Variants in HIPK2 observed in about 807,000 individuals in gnomAD.
The protein encoded by HIPK2 is homeodomain-interacting protein kinase 2.
HIPK2 carries 27 observed loss-of-function variants against 113.7 expected under a neutral mutation model. The observed-to-expected ratio is 0.24, with a 90% CI of 0.17 to 0.33. The LOEUF (loss-of-function observed/expected upper bound fraction) is 0.33, where lower values mean the gene tolerates loss of function less well. Among genes scored for constraint, HIPK2 ranks in the 10% least tolerant of loss-of-function variants. The pLI is 1.00. For synonymous variants in HIPK2, 631 were observed against 642.2 expected (o/e 0.98, Z 0.26); for missense variants, 1,257 against 1,588.0 (o/e 0.79, Z 3.54).
At chr7:139,671,621 G>A (rs1309364819) in intron 2 of HIPK2, among the ~76,000 whole-genome samples, 5 of 151,968 alleles carry the variant, frequency 3.3e-5, no homozygotes, top group Admixed American at 6.6e-5. Context: ...GCATGATCTC[G>A]GCTCACTGCA....
intron 9 of HIPK2, among the ~76,000 whole-genome samples, chr7:139,607,189 G>A (rs923220753): frequency 2.0e-5 from 3 of 152,028 alleles, no homozygotes; most frequent in African/African-American, 7.2e-5. Flanking sequence ...AGTGCAGACA[G>A]AGGATATATA....
At chr7:139,581,847 G>A (rs1798679823) in intron 13 of HIPK2, among the ~76,000 whole-genome samples, 1 of 152,194 alleles carries the variant, frequency 6.6e-6, no homozygotes, top group Admixed American at 6.5e-5. Flanking sequence ...TCCCGCATAT[G>A]GTATGAGTTC....
intron 2 of HIPK2, among the ~76,000 whole-genome samples, chr7:139,686,015 C>A (rs187482250): frequency 6.6e-6 from 1 of 152,316 alleles, no homozygotes; most frequent in East Asian, 1.9e-4. Flanking sequence ...TCTGATGGAT[C>A]TGGCCAAAGT....
rs534641712 is a variant in HIPK2 at position 139,750,723 on chromosome 7, G to C, written c.19+26882C>G. On this transcript the variant is annotated intron_variant, in intron 1 of 14. Transcript: ENST00000406875. ...AATGAGGACTGCTGTGAGAAGAGCT[G>C]TAAGAACCCAGTTTTTCATCTGTTG... Among the ~76,000 whole-genome samples, 4 of 152,322 alleles carry C rather than the reference G, an allele frequency of 2.6e-5. No homozygotes were observed. In the East Asian group the frequency reaches 7.7e-4, roughly 29 times the overall value.
chr7:139,679,229 T>C (rs1802613334), intron 2 of HIPK2, among the ~76,000 whole-genome samples: 1 of 152,198 alleles, frequency 6.6e-6, no homozygotes, highest in Non-Finnish European at 1.5e-5. Flanking sequence ...AGGGCATCCT[T>C]GTCTTGTGCC....
In HIPK2 at chr7:139,645,023, C is replaced by T. The variant is rs143527115; in HGVS notation, c.1104-13298G>A. ...TTCTCATTGCTTCAACATTTAGCTT[C>T]GACTGGTTCATGGTGAGGCCTCAAT... is the stretch of plus-strand genomic sequence containing the variant. On this transcript the variant is annotated intron_variant, in intron 2 of 14. Coordinates refer to ENST00000406875, the MANE Select transcript of HIPK2 (RefSeq NM_022740.5). Among the ~76,000 whole-genome samples the T allele has an allele frequency of 9.7e-3, 1,478 of 152,332 alleles. 9 individuals are homozygous for T. The highest frequency in any genetic ancestry group is 0.023 in the South Asian group (113 of 4,824).
chr7:139,574,975 C>T (rs1377807807), intron 14 of HIPK2, 153 bp downstream of exon 14: 9 of 580,484 alleles, frequency 1.6e-5, no homozygotes, highest in Non-Finnish European at 2.0e-5. Flanking sequence ...TAGAAAAAGC[C>T]ACCAGAGGTC....
Position 139,584,083 on chromosome 7 carries a change from A to C in HIPK2, c.2718-19T>G. ...GACAGTGCTGAAAATGCAAAGGGAG[A>C]AGTCAGAGGTGGGAGAAGGCCGTGA... On this transcript the variant is annotated intron_variant, in intron 12 of 14. Coordinates refer to ENST00000406875, the MANE Select transcript of HIPK2 (RefSeq NM_022740.5). 1 of 1,560,832 alleles carries C rather than the reference A, an allele frequency of 6.4e-7. No homozygotes were observed. Among genetic ancestry groups the C allele is most frequent in the Non-Finnish European group, 8.7e-7 (1 of 1,151,164 alleles).
chr7:139,701,113 G>C (rs1202906915), intron 2 of HIPK2, among the ~76,000 whole-genome samples: 1 of 152,214 alleles, frequency 6.6e-6, no homozygotes, highest in Admixed American at 6.5e-5. Flanking sequence ...TGCGTTTCTT[G>C]CAAGGGCAGC....
At chr7:139,748,162 C>T (rs570153263) in intron 1 of HIPK2, among the ~76,000 whole-genome samples, 4 of 152,244 alleles carry the variant, frequency 2.6e-5, no homozygotes, top group Admixed American at 6.5e-5. Context: ...ACAGAACACC[C>T]GTGTTCTTCG....
intron 2 of HIPK2, among the ~76,000 whole-genome samples, chr7:139,646,728 G>A (rs1042751637): frequency 2.0e-5 from 3 of 152,174 alleles, no homozygotes; most frequent in South Asian, 4.1e-4. Flanking sequence ...AGCCAACTGA[G>A]CTAACCAGCT....
Position 139,570,255 on chromosome 7 carries a change from A to AT in HIPK2, c.*2671dup, listed in dbSNP as rs1798222226. The AT allele has an allele frequency of 6.9e-6, 1 of 144,332 alleles. No homozygotes were observed. Among genetic ancestry groups the AT allele is most frequent in the African/African-American group, 2.6e-5 (1 of 38,354 alleles). 8.9% of individuals were successfully genotyped at this position (144,332 alleles called of 1,614,324 possible). A position where few individuals can be genotyped will look rare whatever the true frequency, so the allele number is the denominator to read the frequency against. ...CTGCCAAAAAGTCCCTAATAGATGG[A>AT]TTTTCCAGGCTGACCCAGCTGTGGG... On this transcript the variant is annotated 3_prime_UTR_variant, in exon 15 of 15. Transcript: ENST00000406875.
At position 139,715,815 on chromosome 7, in the gene HIPK2, T is replaced by C. The variant is rs763402261; in HGVS notation, c.1103+117A>G. ...AATTTCGTAAGTACATTAAGATCAC[T>C]TGAAGGCAGGAACTGTAGACATATA... On this transcript the variant is annotated intron_variant, in intron 2 of 14. Transcript: ENST00000406875. The C allele has an allele frequency of 5.0e-6, 7 of 1,390,350 alleles. No homozygotes were observed. The East Asian group carries it at 7.0e-5, about 14-fold the overall frequency. The allele number at this position is 1,390,350 out of a possible 1,614,324, so 86.1% of individuals were successfully genotyped here.
chr7:139,689,490 A>T (rs1179881419), intron 2 of HIPK2, among the ~76,000 whole-genome samples: 2 of 152,272 alleles, frequency 1.3e-5, no homozygotes, highest in Non-Finnish European at 2.9e-5. Flanking sequence ...CTTTCACACA[A>T]CATCATTTAT....
intron 2 of HIPK2, among the ~76,000 whole-genome samples, chr7:139,662,826 C>T (rs1028134300): frequency 6.6e-6 from 1 of 152,064 alleles, no homozygotes; most frequent in African/African-American, 2.4e-5. Flanking sequence ...CACATGCTGG[C>T]CAGGCTGGTC....
intron 2 of HIPK2, among the ~76,000 whole-genome samples, chr7:139,638,149 C>T (rs1243687705): frequency 3.3e-5 from 5 of 152,172 alleles, no homozygotes; most frequent in Admixed American, 6.5e-5. Flanking sequence ...CTTTATCCTG[C>T]GCAGTCCCAC....
chr7:139,703,966 A>C (rs1794797103), intron 2 of HIPK2, among the ~76,000 whole-genome samples: 2 of 98,278 alleles, frequency 2.0e-5, no homozygotes, highest in Non-Finnish European at 4.0e-5. Context: ...CCCCCAACAC[A>C]CACCACACAC....
chr7:139,674,596 G>C (rs1009711781), intron 2 of HIPK2, among the ~76,000 whole-genome samples: 2 of 152,148 alleles, frequency 1.3e-5, no homozygotes, highest in Admixed American at 1.3e-4. Context: ...CATGGTGCTA[G>C]CCCAAAGCAG....
In HIPK2 at chr7:139,561,647, G is replaced by A. The variant is rs1797950396; in HGVS notation, c.*11280C>T. ...TTCTACACATATACAATATGCATAT[G>A]TGAGTTTACAAATTTTAATTAATAA... is the stretch of plus-strand genomic sequence containing the variant. On this transcript the variant is annotated 3_prime_UTR_variant, in exon 15 of 15. Transcript: ENST00000406875. 1 of 152,116 alleles carries A rather than the reference G, an allele frequency of 6.6e-6. No individual in the cohort carries two copies. Among genetic ancestry groups the A allele is most frequent in the African/African-American group, 2.4e-5 (1 of 41,406 alleles). 9.4% of individuals were successfully genotyped at this position (152,116 alleles called of 1,614,324 possible).
Sources: allele counts gnomAD v4.1 joint callset (sites outside exome capture counted in the v4.1 genomes callset), GRCh38; gene constraint gnomAD v4.1.1; transcripts MANE v1.5; gene names NCBI Gene and HGNC (gene_info 2026-07-23, HGNC 2026-07-21).